Variants in ANO6 observed in about 807,000 individuals in gnomAD.
The protein encoded by ANO6 is anoctamin-6.
ANO6 carries 106 observed loss-of-function variants against 117.5 expected under a neutral mutation model. The ratio of observed to expected loss-of-function variants is 0.90; its 90% CI spans 0.77 to 1.06. ANO6 has a LOEUF of 1.06. ANO6 is among the 50% of genes least tolerant of loss of function. ANO6 has a pLI of 0.00. For synonymous variants in ANO6, 367 were observed against 385.1 expected (o/e 0.95, Z 0.55); for missense variants, 955 against 1,121.1 (o/e 0.85, Z 2.12).
chr12:45,228,123 G>GTTTTTTTT, intron 1 of ANO6: 4 of 283,228 alleles, frequency 1.4e-5, no homozygotes, highest in Admixed American at 5.2e-5. Context: ...TTTTTGTGTT[G>GTTTTTTTT]TTTTTTTTTT....
At chr12:45,313,155 C>T (rs562250337) in intron 2 of ANO6, 1 of 152,092 alleles carries the variant, frequency 6.6e-6, no homozygotes, top group African/African-American at 2.4e-5. Context: ...ACTTCTGAGA[C>T]TTTGGAAGTG....
Position 45,390,420 on chromosome 12 carries a change from G to C in ANO6, c.1309-1G>C. On this transcript the variant is annotated splice_acceptor_variant, in intron 11 of 19. Transcript: ENST00000320560. LOFTEE classifies it high-confidence loss of function. ...CTAAACTTTTTTGTTTTTGTAATTA[G>C]GAAGAAGAACGCATTCCCTTTACTG... 6.2e-7 allele frequency: 1 copy of C among 1,613,298 alleles called. No individual in the cohort carries two copies. The highest frequency in any genetic ancestry group is 8.5e-7 in the Non-Finnish European group (1 of 1,179,402).
At chr12:45,414,465 G>A (rs535961860) in intron 16 of ANO6, among the ~76,000 whole-genome samples, 1 of 151,972 alleles carries the variant, frequency 6.6e-6, no homozygotes, top group Non-Finnish European at 1.5e-5. Context: ...TTTTTCCCAT[G>A]ACTTAGCTAG....
chr12:45,283,242 T>A (rs1938801524), intron 1 of ANO6, among the ~76,000 whole-genome samples: 1 of 152,224 alleles, frequency 6.6e-6, no homozygotes. Context: ...AGAGGCTTTT[T>A]ACTTTTTTAA....
intron 1 of ANO6, among the ~76,000 whole-genome samples, chr12:45,247,531 C>T (rs1947843777): frequency 6.6e-6 from 1 of 152,186 alleles, no homozygotes; most frequent in Non-Finnish European, 1.5e-5. Context: ...CCTGGTCAGT[C>T]TACTATCTTA....
chr12:45,430,398 T>TCAAGGAGTCTGCAGGAA lies in ANO6; in HGVS notation c.*1088_*1104dup, dbSNP rs1943604098. ...GTCATTGGGTGGGGAGTGCCTTTTG[T>TCAAGGAGTCTGCAGGAA]CAAGGAGTCTGCAGGAATTGGCTTA... On this transcript the variant is annotated 3_prime_UTR_variant, in exon 20 of 20. Transcript: ENST00000320560. The TCAAGGAGTCTGCAGGAA allele has an allele frequency of 1.0e-6, 1 of 985,272 alleles. No individual in the cohort carries two copies. The highest frequency in any genetic ancestry group is 1.7e-5 in the African/African-American group (1 of 57,202). The allele number at this position is 985,272 out of a possible 1,614,324, so 61.0% of individuals were successfully genotyped here. A position where few individuals can be genotyped will look rare whatever the true frequency, so the allele number is the denominator to read the frequency against.
At chr12:45,268,582 A>G (rs183390000) in intron 1 of ANO6, among the ~76,000 whole-genome samples, 195 of 152,274 alleles carry the variant, frequency 1.3e-3, no homozygotes, top group Middle Eastern at 3.4e-3. Flanking sequence ...TGAAAAAAAT[A>G]ATGAAGAGCT....
Position 45,422,668 on chromosome 12 carries a change from G to A in ANO6, c.2421-289G>A, listed in dbSNP as rs116832609. 0.031 allele frequency among the ~76,000 whole-genome samples: 4,657 copies of A among 151,494 alleles called. 95 individuals are homozygous for A. Among genetic ancestry groups the A allele is most frequent in the African/African-American group, 0.057 (2,355 of 41,206 alleles). On this transcript the variant is annotated intron_variant, in intron 18 of 19. Coordinates refer to ENST00000320560, the MANE Select transcript of ANO6 (RefSeq NM_001025356.3). Reference sequence around the variant, plus strand: ...CAGCTCCCTGCAACCTTCACCTCTCGGGTTCAAGCAATTCTCATGCCTCAG... The same window carrying A: ...CAGCTCCCTGCAACCTTCACCTCTCAGGTTCAAGCAATTCTCATGCCTCAG...
At chr12:45,424,737 C>A (rs1172365249) in intron 19 of ANO6, among the ~76,000 whole-genome samples, 1 of 152,114 alleles carries the variant, frequency 6.6e-6, no homozygotes, top group Non-Finnish European at 1.5e-5. Context: ...TATCTTGGAG[C>A]TCAAGGAGAC....
intron 6 of ANO6, 118 bp downstream of exon 6, chr12:45,348,749 C>T (rs1941208549): frequency 1.3e-6 from 1 of 789,346 alleles, no homozygotes; most frequent in South Asian, 1.4e-5. Flanking sequence ...AGGGAACATA[C>T]TGCAAGATTA....
intron 3 of ANO6, 133 bp downstream of exon 3, chr12:45,331,556 C>A: frequency 1.1e-6 from 1 of 898,680 alleles, no homozygotes; most frequent in Non-Finnish European, 1.6e-6. Context: ...ATTTTCTCTG[C>A]TCATGTTTTC....
chr12:45,226,611 A>T (rs1309643884), intron 1 of ANO6, among the ~76,000 whole-genome samples: 1 of 152,140 alleles, frequency 6.6e-6, no homozygotes, highest in Non-Finnish European at 1.5e-5. Flanking sequence ...ATATAATTGA[A>T]TTTTTTGTGA....
intron 3 of ANO6, among the ~76,000 whole-genome samples, chr12:45,346,368 A>G (rs1245187281): frequency 1.3e-5 from 2 of 152,210 alleles, no homozygotes; most frequent in Non-Finnish European, 2.9e-5. Context: ...AGAATTTAAT[A>G]TCCATAAGTG....
At chr12:45,263,098 TATTG>T (rs1166949786) in intron 1 of ANO6, among the ~76,000 whole-genome samples, 1 of 151,788 alleles carries the variant, frequency 6.6e-6, no homozygotes, top group African/African-American at 2.4e-5. Context: ...TTATAAATAA[TATTG>T]AGAGAGATTT....
chr12:45,307,139 G>A (rs1339154966), intron 2 of ANO6, among the ~76,000 whole-genome samples: 2 of 152,118 alleles, frequency 1.3e-5, no homozygotes, highest in Non-Finnish European at 2.9e-5. Context: ...ATTTGAGGGT[G>A]AGCCTTTGGA....
chr12:45,423,421 A>G (rs1943417122), intron 19 of ANO6, among the ~76,000 whole-genome samples: 1 of 152,224 alleles, frequency 6.6e-6, no homozygotes, highest in Admixed American at 6.5e-5. Flanking sequence ...AGAGTTTGAA[A>G]TTGACCAGCT....
At chr12:45,434,501 TC>T (rs1451505939), downstream of ANO6, among the ~76,000 whole-genome samples, 2 of 152,158 alleles carry the variant, frequency 1.3e-5, no homozygotes, top group African/African-American at 4.8e-5. Context: ...TTTGGGACAA[TC>T]AATATTCACC....
At chr12:45,377,046 C>T (rs1343415865) in intron 9 of ANO6, among the ~76,000 whole-genome samples, 1 of 151,940 alleles carries the variant, frequency 6.6e-6, no homozygotes, top group East Asian at 1.9e-4. Flanking sequence ...GAAGGTTTAT[C>T]CACTTTACAT....
intron 13 of ANO6, among the ~76,000 whole-genome samples, chr12:45,402,657 T>C (rs1174902739): frequency 6.6e-6 from 1 of 152,250 alleles, no homozygotes; most frequent in African/African-American, 2.4e-5. Flanking sequence ...TCTAGCAAGT[T>C]GTACCTTGGT....
Sources: gnomAD v4.1 joint callset for allele counts (sites outside exome capture counted in the v4.1 genomes callset) on GRCh38, gnomAD v4.1.1 for gene constraint, MANE v1.5 for transcripts, NCBI Gene and HGNC (gene_info 2026-07-23, HGNC 2026-07-21) for gene names.